ST6GALNAC3: variants seen among roughly 807,000 people sequenced by gnomAD.
The protein encoded by ST6GALNAC3 is ST6 N-acetylgalactosaminide alpha-2,6-sialyltransferase 3, also known as alpha-N-acetylgalactosaminide alpha-2,6-sialyltransferase 3.
ST6GALNAC3 carries 25 observed loss-of-function variants against 32.7 expected under a neutral mutation model. The observed-to-expected ratio is 0.76, with a 90% CI of 0.56 to 1.07. The LOEUF (loss-of-function observed/expected upper bound fraction) is 1.07, where lower values mean the gene tolerates loss of function less well. Among genes scored for constraint, ST6GALNAC3 ranks in the 50% least tolerant of loss-of-function variants. The pLI, the probability that ST6GALNAC3 is intolerant of heterozygous loss-of-function variation, is 0.00. For missense variants in ST6GALNAC3, 355 were observed against 382.4 expected (o/e 0.93, Z 0.60); for synonymous variants, 129 against 133.1 (o/e 0.97, Z 0.21).
chr1:76,379,319 G>A (rs1651517618), intron 2 of ST6GALNAC3, among the ~76,000 whole-genome samples: 2 of 151,972 alleles, frequency 1.3e-5, no homozygotes, highest in African/African-American at 4.8e-5. Flanking sequence ...CCTGCATCTT[G>A]CCAATATCCC....
At chr1:76,189,003 C>T (rs1044378883) in intron 1 of ST6GALNAC3, among the ~76,000 whole-genome samples, 1 of 152,320 alleles carries the variant, frequency 6.6e-6, no homozygotes, top group Admixed American at 6.5e-5. Flanking sequence ...CAGAGGATGT[C>T]AACATGGAGA....
Position 76,628,851 on chromosome 1 carries a change from T to C in ST6GALNAC3, c.*45T>C, listed in dbSNP as rs559512814. 1.3e-4 allele frequency: 203 copies of C among 1,598,110 alleles called. 2 individuals are homozygous for C. The South Asian group carries it at 2.1e-3, about 17-fold the overall frequency. ...GCCGCATCACTTAATGTGATCCCCA[T>C]ACTGCAACTGTGATGCTGATGATGC... is the stretch of plus-strand genomic sequence containing the variant. On this transcript the variant is annotated 3_prime_UTR_variant, in exon 5 of 5. Coordinates refer to ENST00000328299, the MANE Select transcript of ST6GALNAC3 (RefSeq NM_152996.4).
intron 3 of ST6GALNAC3, among the ~76,000 whole-genome samples, chr1:76,553,866 TG>T (rs1245647663): frequency 6.7e-6 from 1 of 150,342 alleles, no homozygotes; most frequent in Non-Finnish European, 1.5e-5. Context: ...ATTTTGATGG[TG>T]GTTGAGCAGT....
intron 3 of ST6GALNAC3, among the ~76,000 whole-genome samples, chr1:76,548,260 C>T (rs886692416): frequency 2.4e-4 from 36 of 152,120 alleles, no homozygotes; most frequent in African/African-American, 8.0e-4. Flanking sequence ...AAAAGGCCAC[C>T]CTATGTGTGT....
chr1:76,582,997 G>A (rs1184962350), intron 3 of ST6GALNAC3, among the ~76,000 whole-genome samples: 1 of 152,112 alleles, frequency 6.6e-6, no homozygotes, highest in Non-Finnish European at 1.5e-5. Flanking sequence ...GTATGTAATA[G>A]TTTCTCAAAA....
chr1:76,098,295 C>T (rs534879185), intron 1 of ST6GALNAC3, among the ~76,000 whole-genome samples: 3 of 152,264 alleles, frequency 2.0e-5, no homozygotes, highest in Admixed American at 6.5e-5. Context: ...TTAGACTGCA[C>T]GATCACAATG....
rs1450267435 is a variant in ST6GALNAC3 at position 76,632,496 on chromosome 1, G to C, written c.*3690G>C. 1 of 152,108 alleles carries C rather than the reference G, an allele frequency of 6.6e-6. No homozygotes were observed. The highest frequency in any genetic ancestry group is 2.1e-4 in the South Asian group (1 of 4,834). 9.4% of individuals were successfully genotyped at this position (152,108 alleles called of 1,614,324 possible). On this transcript the variant is annotated 3_prime_UTR_variant, in exon 5 of 5. Coordinates refer to ENST00000328299, the MANE Select transcript of ST6GALNAC3 (RefSeq NM_152996.4). Reference sequence around the variant, plus strand: ...TCAAATAAGCCAGTCTTTAGCATAAGCAAAATCCAGATTTGCATGATTTTT... The same window carrying C: ...TCAAATAAGCCAGTCTTTAGCATAACCAAAATCCAGATTTGCATGATTTTT...
chr1:76,619,798 C>T (rs192488207), intron 3 of ST6GALNAC3, among the ~76,000 whole-genome samples: 1 of 152,168 alleles, frequency 6.6e-6, no homozygotes, highest in East Asian at 1.9e-4. Context: ...GACTGTGTTC[C>T]TATTATTTTT....
At chr1:76,144,682 C>T (rs572692431) in intron 1 of ST6GALNAC3, among the ~76,000 whole-genome samples, 57 of 152,322 alleles carry the variant, frequency 3.7e-4, no homozygotes, top group African/African-American at 1.3e-3. Flanking sequence ...ATACTCTCCC[C>T]GCTTCCCCTA....
intron 1 of ST6GALNAC3, among the ~76,000 whole-genome samples, chr1:76,177,489 C>A (rs11162093): frequency 0.54 from 81,524 of 151,860 alleles, 24,159 homozygotes; most frequent in East Asian, 0.87. Context: ...TCCTTTAGAT[C>A]TTTATTAAAT....
intron 1 of ST6GALNAC3, among the ~76,000 whole-genome samples, chr1:76,241,934 C>T (rs1243212882): frequency 2.6e-5 from 4 of 152,188 alleles, no homozygotes; most frequent in Admixed American, 1.3e-4. Context: ...TTAGTGCAGG[C>T]GGATATCCTC....
chr1:76,167,425 C>T (rs1180497962), intron 1 of ST6GALNAC3, among the ~76,000 whole-genome samples: 4 of 149,610 alleles, frequency 2.7e-5, no homozygotes, highest in African/African-American at 9.7e-5. Flanking sequence ...TGATATTCAT[C>T]CAGGCTATTG....
intron 1 of ST6GALNAC3, among the ~76,000 whole-genome samples, chr1:76,112,203 G>A (rs1410908842): frequency 7.2e-6 from 1 of 139,018 alleles, no homozygotes; most frequent in East Asian, 2.2e-4. Context: ...GGGCAGAGGC[G>A]CCCCTCACCT....
chr1:76,375,746 A>C (rs1651172631), intron 2 of ST6GALNAC3, among the ~76,000 whole-genome samples: 1 of 152,236 alleles, frequency 6.6e-6, no homozygotes, highest in Admixed American at 6.5e-5. Flanking sequence ...TTGTTCGATC[A>C]TATTTTTCTG....
At chr1:76,386,667 G>A (rs1280262794) in intron 2 of ST6GALNAC3, among the ~76,000 whole-genome samples, 1 of 152,166 alleles carries the variant, frequency 6.6e-6, no homozygotes, top group Non-Finnish European at 1.5e-5. Context: ...AACTGTGGGT[G>A]TTAGAGTTAA....
At chr1:76,584,357 T>G (rs2100557267) in intron 3 of ST6GALNAC3, among the ~76,000 whole-genome samples, 1 of 152,314 alleles carries the variant, frequency 6.6e-6, no homozygotes, top group South Asian at 2.1e-4. Flanking sequence ...TGAATGAATA[T>G]GTTGTAAGCC....
intron 1 of ST6GALNAC3, among the ~76,000 whole-genome samples, chr1:76,251,963 A>G (rs72998542): frequency 0.056 from 8,582 of 152,224 alleles, 319 homozygotes; most frequent in Middle Eastern, 0.15. Flanking sequence ...AATCTCACCC[A>G]TCTAAAGGCA....
chr1:76,479,881 A>G lies in ST6GALNAC3; in HGVS notation c.623+67464A>G, dbSNP rs545690358. On this transcript the variant is annotated intron_variant, in intron 3 of 4. Transcript: ENST00000328299. ...GTAATTAAGATTTGCTAAACTTAAAAGATTTATAAGCTGTAAAAAAAATCA... is the reference window on the plus strand; with the variant it reads ...GTAATTAAGATTTGCTAAACTTAAAGGATTTATAAGCTGTAAAAAAAATCA... 2.0e-5 allele frequency among the ~76,000 whole-genome samples: 3 copies of G among 152,332 alleles called. No individual in the cohort carries two copies. The South Asian group carries it at 6.2e-4, about 32-fold the overall frequency.
At chr1:76,485,065 A>G (rs1660015115) in intron 3 of ST6GALNAC3, among the ~76,000 whole-genome samples, 1 of 152,154 alleles carries the variant, frequency 6.6e-6, no homozygotes, top group South Asian at 2.1e-4. Context: ...CATCCCAGGG[A>G]AGAAGCCCAC....
Sources: allele counts gnomAD v4.1 joint callset (sites outside exome capture counted in the v4.1 genomes callset), GRCh38; gene constraint gnomAD v4.1.1; transcripts MANE v1.5; gene names NCBI Gene and HGNC (gene_info 2026-07-23, HGNC 2026-07-21).